The following ZNF367 variants were observed in gnomAD, a reference collection of about 807,000 sequenced individuals.
ZNF367 encodes C2H2 zinc finger protein ZFF29.
Under a neutral mutation model 31.8 loss-of-function variants are expected in ZNF367, and 11 were observed. The observed-to-expected ratio is 0.35, with a 90% CI of 0.22 to 0.57. The LOEUF is 0.57. ZNF367 is among the 20% of genes least tolerant of loss of function. The pLI is 0.85. For missense variants in ZNF367, 353 were observed against 484.1 expected (o/e 0.73, Z 2.54); for synonymous variants, 199 against 202.4 (o/e 0.98, Z 0.14).
chr9:96,392,609 T>C (rs1831485395), intron 3 of ZNF367, 73 bp from the exon 4 acceptor site: 2 of 1,513,576 alleles, frequency 1.3e-6, no homozygotes, highest in Non-Finnish European at 1.8e-6. Flanking sequence ...ACATTCAGTT[T>C]CACTGGTATC....
At chr9:96,391,879 A>G (rs182779910) in intron 4 of ZNF367, among the ~76,000 whole-genome samples, 33 of 152,262 alleles carry the variant, frequency 2.2e-4, no homozygotes, top group South Asian at 1.7e-3. Context: ...CCCAGGCTCA[A>G]GCGATTCTTC....
intron 1 of ZNF367, among the ~76,000 whole-genome samples, chr9:96,402,080 A>C (rs1587745249): frequency 6.7e-6 from 1 of 150,138 alleles, no homozygotes; most frequent in South Asian, 2.1e-4. Flanking sequence ...ACATGGTGAA[A>C]CCCTGACTCT....
In ZNF367 at chr9:96,418,293, G is replaced by A; in HGVS notation, c.-261C>T. ...AGGCTGCAGGGGTGGGAAGCAGCGG[G>A]CGGCCCGGCCCTTGCGGTGACAGGA... On this transcript the variant is annotated 5_prime_UTR_variant, in exon 1 of 5. Transcript: ENST00000375256. 2.3e-6 allele frequency: 1 copy of A among 437,194 alleles called. No homozygotes were observed. Among genetic ancestry groups the A allele is most frequent in the Non-Finnish European group, 3.8e-6 (1 of 264,080 alleles). 27.1% of individuals were successfully genotyped at this position (437,194 alleles called of 1,614,324 possible). A position where few individuals can be genotyped will look rare whatever the true frequency, so the allele number is the denominator to read the frequency against.
At chr9:96,404,123 A>G (rs1178051609) in intron 1 of ZNF367, among the ~76,000 whole-genome samples, 1 of 152,130 alleles carries the variant, frequency 6.6e-6, no homozygotes, top group African/African-American at 2.4e-5. Flanking sequence ...AGATCATGCC[A>G]CTGCATTCCA....
At chr9:96,395,066 C>T (rs1831515287) in intron 2 of ZNF367, 124 bp from the exon 3 acceptor site, 2 of 1,034,782 alleles carry the variant, frequency 1.9e-6, no homozygotes, top group South Asian at 3.4e-5. Context: ...GTCATGGCCC[C>T]TACTGAGCTG....
At chr9:96,395,660 G>GAGATT (rs1483701055) in intron 2 of ZNF367, among the ~76,000 whole-genome samples, 1 of 152,110 alleles carries the variant, frequency 6.6e-6, no homozygotes, top group Non-Finnish European at 1.5e-5. Flanking sequence ...GGCTCTCAGT[G>GAGATT]AGATTCTTCC....
chr9:96,393,340 A>G (rs930984086), intron 3 of ZNF367, among the ~76,000 whole-genome samples: 2 of 151,890 alleles, frequency 1.3e-5, no homozygotes, highest in African/African-American at 4.8e-5. Context: ...CCTGGCCAAC[A>G]TGGTCCCCCA....
Position 96,417,652 on chromosome 9 carries a change from G to T in ZNF367, c.381C>A (p.Asp127Glu). 1.1e-6 allele frequency: 1 copy of T among 939,632 alleles called. No homozygotes were observed. The allele number at this position is 939,632 out of a possible 1,614,324, so 58.2% of individuals were successfully genotyped here. The change falls in exon 1 of 5, where the codon GAC becomes GAA. Residue 127 changes from aspartate (D) to glutamate (E), a missense_variant. Asp to Glu is a conservative substitution (Grantham distance 45, BLOSUM62 2). This residue lies in a region of ZNF367 where 70 missense variants were observed against 57.1 expected (regional missense o/e 1.23). Transcript: ENST00000375256. The surrounding 1 kb of genome is among the most constrained non-coding windows in gnomAD (Gnocchi z 5.0). ...SASAAASGGE[D>E]EEEASSPDSG... ...TGTCTGGGCTGCTCGCTTCCTCCTC[G>T]TCCTCACCTCCCGAGGCGGCGGCGG...
intron 1 of ZNF367, among the ~76,000 whole-genome samples, chr9:96,407,044 G>T (rs1764248623): frequency 1.3e-5 from 2 of 148,998 alleles, no homozygotes; most frequent in African/African-American, 2.5e-5. Context: ...TGGGGGTCAG[G>T]CACAATGGCT....
chr9:96,404,912 AACAAAAAAC>A (rs1447806389), intron 1 of ZNF367, among the ~76,000 whole-genome samples: 12 of 151,508 alleles, frequency 7.9e-5, no homozygotes, highest in Non-Finnish European at 2.9e-5. Context: ...ACTCAACAAC[AACAAAAAAC>A]ACAAAAAACT....
At chr9:96,389,214 G>T (rs1014744759) in intron 4 of ZNF367, among the ~76,000 whole-genome samples, 9 of 151,506 alleles carry the variant, frequency 5.9e-5, no homozygotes, top group Non-Finnish European at 1.3e-4. Context: ...GCAGGAGAAT[G>T]ACTTGAACCT....
At position 96,417,888 on chromosome 9, in the gene ZNF367, C is replaced by T. The variant is rs1405904462; in HGVS notation, c.145G>A (p.Glu49Lys). Residue 49 changes from glutamate (E) to lysine (K), a missense_variant, in exon 1 of 5, where the codon GAG becomes AAG. Physicochemically the swap from Glu to Lys is moderately conservative, Grantham distance 56. Coordinates refer to ENST00000375256, the MANE Select transcript of ZNF367 (RefSeq NM_153695.4). This position sits in a 1 kb window ranked among gnomAD's most constrained non-coding sequence, Gnocchi z 5.0. ...ATGAGCGGCGGCGGCGGCTCCGGCTCCCCTCCACCGCCGCACGTTGGCTTG... is the reference window on the plus strand; with the variant it reads ...ATGAGCGGCGGCGGCGGCTCCGGCTTCCCTCCACCGCCGCACGTTGGCTTG... ...PIKPTCGGGG[E>K]PEPPPPLIPT... 5.3e-6 allele frequency: 8 copies of T among 1,520,102 alleles called. No homozygotes were observed. The highest frequency in any genetic ancestry group is 7.0e-6 in the Non-Finnish European group (8 of 1,143,010). 94.2% of individuals were successfully genotyped at this position (1,520,102 alleles called of 1,614,324 possible). A position where few individuals can be genotyped will look rare whatever the true frequency, so the allele number is the denominator to read the frequency against.
At chr9:96,400,421 A>T (rs1587744656) in intron 1 of ZNF367, among the ~76,000 whole-genome samples, 1 of 151,452 alleles carries the variant, frequency 6.6e-6, no homozygotes, top group African/African-American at 2.4e-5. Flanking sequence ...AAGGAAAAGA[A>T]AAAGGAAAAA....
At chr9:96,407,727 T>A in intron 1 of ZNF367, 4 of 1,368,286 alleles carry the variant, frequency 2.9e-6, no homozygotes, top group Non-Finnish European at 4.0e-6. Flanking sequence ...AGAGGATAGT[T>A]ACTAACGTGT....
chr9:96,412,521 C>T (rs576188620), intron 1 of ZNF367, among the ~76,000 whole-genome samples: 3 of 152,254 alleles, frequency 2.0e-5, no homozygotes, highest in African/African-American at 7.2e-5. Flanking sequence ...ACAAACTTCC[C>T]ATGACTTGCA....
chr9:96,398,179 T>G lies in ZNF367; in HGVS notation c.556A>C (p.Lys186Gln). Residue 186 changes from lysine to glutamine, a missense_variant, in exon 2 of 5, where the codon AAA becomes CAA. Physicochemically the swap from Lys to Gln is moderately conservative, Grantham distance 53. Around this residue, in one of 5 missense-constraint regions of ZNF367, gnomAD observed 57 missense variants for 141.9 expected, o/e 0.40. Coordinates refer to ENST00000375256, the MANE Select transcript of ZNF367 (RefSeq NM_153695.4). ...CTCAACTTACCTGTATGAGTCCTTT[T>G]GTGAGCCTGGAGCGATTTCTCCCGT... ...FPREKSLQAH[K>Q]RTHTGERPYL... 3.1e-6 allele frequency: 5 copies of G among 1,604,316 alleles called. No homozygotes were observed. Among genetic ancestry groups the G allele is most frequent in the Non-Finnish European group, 4.3e-6 (5 of 1,175,180 alleles).
In ZNF367 at chr9:96,417,763, GGCGGCCCCC is replaced by G. The variant is rs1183517532; in HGVS notation, c.261_269del (p.Gly88_Ala90del). ...CGGCTGCAGGCAGGGCGGCCGAGGC[GGCGGCCCCC>G]GCGGCCCCAGGGCTGAGCGTCACGT... On this transcript the variant is annotated inframe_deletion, in exon 1 of 5. Transcript: ENST00000375256. The surrounding 1 kb of genome is among the most constrained non-coding windows in gnomAD (Gnocchi z 5.0). 8.1e-7 allele frequency: 1 copy of G among 1,238,322 alleles called. No individual in the cohort carries two copies. Among genetic ancestry groups the G allele is most frequent in the Non-Finnish European group, 1.0e-6 (1 of 989,434 alleles). 76.7% of individuals were successfully genotyped at this position (1,238,322 alleles called of 1,614,324 possible).
At chr9:96,402,752 G>A (rs893917223) in intron 1 of ZNF367, among the ~76,000 whole-genome samples, 3 of 150,900 alleles carry the variant, frequency 2.0e-5, no homozygotes, top group South Asian at 2.1e-4. Flanking sequence ...GATTACAGGC[G>A]TGAGCCCCTG....
At position 96,417,702 on chromosome 9, in the gene ZNF367, C is replaced by A; in HGVS notation, c.331G>T (p.Ala111Ser). The A allele has an allele frequency of 1.7e-6, 2 of 1,181,326 alleles. No homozygotes were observed. The highest frequency in any genetic ancestry group is 2.1e-6 in the Non-Finnish European group (2 of 948,712). 73.2% of individuals were successfully genotyped at this position (1,181,326 alleles called of 1,614,324 possible). Reference sequence around the variant, plus strand: ...GAGGCCGAGGCGGCGGGCGGGGGCGCGCCCCGGCCACGAAGCCCCGAGTGC... The same window carrying A: ...GAGGCCGAGGCGGCGGGCGGGGGCGAGCCCCGGCCACGAAGCCCCGAGTGC... ...AEHSGLRGRG[A>S]PPPAASASAA... is the part of the protein sequence containing the mutation. Residue 111 changes from alanine (A) to serine (S), a missense_variant, in exon 1 of 5, where the codon GCG becomes TCG. Physicochemically the swap from Ala to Ser is moderately conservative, Grantham distance 99. Coordinates refer to ENST00000375256, the MANE Select transcript of ZNF367 (RefSeq NM_153695.4). This position sits in a 1 kb window ranked among gnomAD's most constrained non-coding sequence, Gnocchi z 5.0.
Sources: allele counts gnomAD v4.1 joint callset (sites outside exome capture counted in the v4.1 genomes callset), GRCh38; gene constraint gnomAD v4.1.1; regional missense constraint gnomAD v4.1.1; non-coding constraint Gnocchi (gnomAD v3.1); transcripts MANE v1.5; gene names NCBI Gene and HGNC (gene_info 2026-07-23, HGNC 2026-07-21).